Variants in PDE1A observed in about 807,000 individuals in gnomAD.
PDE1A encodes the protein dual specificity calcium/calmodulin-dependent 3',5'-cyclic nucleotide phosphodiesterase 1A.
In PDE1A, 35 loss-of-function variants were observed where a neutral mutation model predicts 61.7. That is an observed-to-expected ratio of 0.57 (90% CI 0.43 to 0.75). The LOEUF (loss-of-function observed/expected upper bound fraction) is 0.75, where lower values mean the gene tolerates loss of function less well. Ranked by LOEUF, PDE1A falls within the 30% of genes least tolerant of loss-of-function variation. The pLI is 0.00. For synonymous variants in PDE1A, 232 were observed against 213.2 expected, an observed-to-expected ratio of 1.09 and a Z score of -0.77; for missense variants, 597 against 630.6, an observed-to-expected ratio of 0.95 and a Z score of 0.57.
At chr2:182,597,297 A>G in the PDE1A span, among the ~76,000 whole-genome samples, 3 of 152,300 alleles carry the variant, frequency 2.0e-5, no homozygotes, top group African/African-American at 7.2e-5. Context: ...CATGGAGACA[A>G]TGGAATGTAC....
chr2:182,380,021 T>C (rs1700632831), intron 1 of PDE1A, among the ~76,000 whole-genome samples: 1 of 152,158 alleles, frequency 6.6e-6, no homozygotes, highest in Non-Finnish European at 1.5e-5. Context: ...TATGGTCCTT[T>C]ACTCTATCAT....
chr2:182,677,523 C>A, the PDE1A span, among the ~76,000 whole-genome samples: 3 of 152,142 alleles, frequency 2.0e-5, no homozygotes, highest in Non-Finnish European at 4.4e-5. Context: ...TGATGACATT[C>A]CTCACAGAGC....
downstream of PDE1A, among the ~76,000 whole-genome samples, chr2:182,163,030 A>G (rs1389523452): frequency 6.6e-6 from 1 of 152,172 alleles, no homozygotes; most frequent in African/African-American, 2.4e-5. Context: ...TGCAGAGACT[A>G]GTGCAACCAT....
At chr2:182,384,436 A>G (rs1700908054) in intron 1 of PDE1A, among the ~76,000 whole-genome samples, 1 of 147,110 alleles carries the variant, frequency 6.8e-6, no homozygotes, top group Admixed American at 6.9e-5. Flanking sequence ...AAATTACCAA[A>G]AAGCAAAATT....
chr2:182,620,808 TG>T, the PDE1A span, among the ~76,000 whole-genome samples: 2 of 152,208 alleles, frequency 1.3e-5, no homozygotes, highest in Non-Finnish European at 2.9e-5. Context: ...TTAGCTCATT[TG>T]AGTTCGCAAC....
At chr2:182,303,621 G>A (rs546966927) in intron 1 of PDE1A, among the ~76,000 whole-genome samples, 3 of 152,160 alleles carry the variant, frequency 2.0e-5, no homozygotes, top group Non-Finnish European at 4.4e-5. Flanking sequence ...AGCTGCATTA[G>A]CCCCTAATAG....
intron 2 of PDE1A, among the ~76,000 whole-genome samples, chr2:182,453,750 T>C (rs1024808633): frequency 6.6e-6 from 1 of 152,126 alleles, no homozygotes; most frequent in Non-Finnish European, 1.5e-5. Context: ...ATAAATTAGG[T>C]ATTGATGGGA....
At chr2:182,626,822 TATACATATATATATAC>T in the PDE1A span, among the ~76,000 whole-genome samples, 3 of 36,122 alleles carry the variant, frequency 8.3e-5, 1 homozygote, top group African/African-American at 3.0e-4. Context: ...TACATATATA[TATACATATATATATAC>T]ATATATATAC....
chr2:182,559,553 T>C, the PDE1A span, among the ~76,000 whole-genome samples: 1 of 152,180 alleles, frequency 6.6e-6, no homozygotes, highest in East Asian at 1.9e-4. Context: ...ATAAAATCAC[T>C]TTGAAAACTA....
intron 1 of PDE1A, among the ~76,000 whole-genome samples, chr2:182,410,050 C>T (rs1574586249): frequency 2.0e-5 from 3 of 151,986 alleles, no homozygotes; most frequent in Admixed American, 1.3e-4. Flanking sequence ...GTTAATTTAC[C>T]GTTTTAAAAT....
chr2:182,641,021 A>AAAAAAAAAAT, the PDE1A span, among the ~76,000 whole-genome samples: 1 of 150,100 alleles, frequency 6.7e-6, no homozygotes, highest in Admixed American at 6.6e-5. Flanking sequence ...CTCCATCTCA[A>AAAAAAAAAAT]AAAAAAAAAG....
the PDE1A span, among the ~76,000 whole-genome samples, chr2:182,613,690 T>C: frequency 6.6e-6 from 1 of 152,220 alleles, no homozygotes; most frequent in Admixed American, 6.5e-5. Flanking sequence ...ATTAAGATAT[T>C]TTGAATGCAT....
chr2:182,679,700 T>C, the PDE1A span, among the ~76,000 whole-genome samples: 1 of 152,354 alleles, frequency 6.6e-6, no homozygotes, highest in East Asian at 1.9e-4. Flanking sequence ...AACACATTTC[T>C]AGAGCCATTT....
At chr2:182,377,154 T>C (rs1384042729) in intron 1 of PDE1A, among the ~76,000 whole-genome samples, 5 of 152,198 alleles carry the variant, frequency 3.3e-5, no homozygotes, top group Non-Finnish European at 7.3e-5. Context: ...CCAAATCTCA[T>C]GTCGAATTGT....
At chr2:182,278,913 G>A (rs1693621541) in intron 1 of PDE1A, among the ~76,000 whole-genome samples, 1 of 151,956 alleles carries the variant, frequency 6.6e-6, no homozygotes, top group African/African-American at 2.4e-5. Flanking sequence ...AGGGTATTAG[G>A]AACAGAAGCA....
chr2:182,517,751 A>G (rs1690298907), intron 2 of PDE1A, among the ~76,000 whole-genome samples: 1 of 152,212 alleles, frequency 6.6e-6, no homozygotes, highest in African/African-American at 2.4e-5. Flanking sequence ...TTTGAGTGGG[A>G]CAACTCCTCC....
the PDE1A span, among the ~76,000 whole-genome samples, chr2:182,556,857 AC>A: frequency 2.0e-5 from 3 of 152,240 alleles, no homozygotes; most frequent in Non-Finnish European, 4.4e-5. Context: ...GTACTTAAAC[AC>A]TAGGACCATA....
At chr2:182,596,530 G>A in the PDE1A span, among the ~76,000 whole-genome samples, 1 of 152,180 alleles carries the variant, frequency 6.6e-6, no homozygotes, top group East Asian at 1.9e-4. Flanking sequence ...TCAATAATTG[G>A]TTTATACTTT....
chr2:182,238,633 T>A (rs1415343520), intron 3 of PDE1A, among the ~76,000 whole-genome samples: 4 of 152,214 alleles, frequency 2.6e-5, no homozygotes, highest in African/African-American at 9.6e-5. Flanking sequence ...TCCCACTATT[T>A]TTATGCACCT....
Sources: gnomAD v4.1 joint callset for allele counts (sites outside exome capture counted in the v4.1 genomes callset) on GRCh38, gnomAD v4.1.1 for gene constraint, MANE v1.5 for transcripts, NCBI Gene and HGNC (gene_info 2026-07-23, HGNC 2026-07-21) for gene names.